The following GPAT4 variants were observed in gnomAD, a reference collection of about 807,000 sequenced individuals.
GPAT4 encodes the protein 1-AGP acyltransferase 6.
A neutral mutation model predicts 58.0 loss-of-function variants in GPAT4; 17 were observed. The observed-to-expected ratio is 0.29, with a 90% CI of 0.20 to 0.44. The LOEUF is 0.44. Among genes scored for constraint, GPAT4 ranks in the 20% least tolerant of loss-of-function variants. The pLI, the probability that GPAT4 is intolerant of heterozygous loss-of-function variation, is 1.00. For missense variants in GPAT4, 377 were observed against 574.5 expected (o/e 0.66, Z 3.51); for synonymous variants, 204 against 210.1 (o/e 0.97, Z 0.25).
In GPAT4 at chr8:41,621,236, C is replaced by G. The variant is rs1398848248; in HGVS notation, c.*235C>G. On this transcript the variant is annotated 3_prime_UTR_variant, in exon 13 of 13. Coordinates refer to ENST00000396987, the MANE Select transcript of GPAT4 (RefSeq NM_178819.4). The stretch of plus-strand genomic sequence containing the variant: ...GGGTGTTGCGACCCAGGACGAGATG[C>G]CTTGTTTCTTTTACAATAAGTCGTT... The G allele has an allele frequency of 5.3e-6, 3 of 566,134 alleles. No individual in the cohort carries two copies. Among genetic ancestry groups the G allele is most frequent in the Non-Finnish European group, 9.4e-6 (3 of 320,348 alleles). The allele number at this position is 566,134 out of a possible 1,614,324, so 35.1% of individuals were successfully genotyped here.
intron 4 of GPAT4, 43 bp downstream of exon 4, chr8:41,609,998 C>G (rs914481282): frequency 1.9e-6 from 3 of 1,557,600 alleles, no homozygotes; most frequent in Non-Finnish European, 2.6e-6. Flanking sequence ...GCTGCCACCC[C>G]ACGTGGTGCA....
chr8:41,616,914 T>C (rs1258186007), intron 10 of GPAT4, among the ~76,000 whole-genome samples: 1 of 152,170 alleles, frequency 6.6e-6, no homozygotes, highest in East Asian at 1.9e-4. Context: ...AATCCAGCCA[T>C]GACCTGATGT....
intron 10 of GPAT4, 160 bp from the exon 11 acceptor site, chr8:41,618,524 C>T (rs146825634): frequency 9.0e-6 from 8 of 886,376 alleles, no homozygotes; most frequent in Admixed American, 4.0e-5. Flanking sequence ...CAGTCAGAAC[C>T]GGCCACATGG....
intron 8 of GPAT4, 46 bp from the exon 9 acceptor site, chr8:41,614,340 G>A: frequency 6.7e-7 from 1 of 1,490,230 alleles, no homozygotes; most frequent in Non-Finnish European, 9.2e-7. Flanking sequence ...TTTTGACGAT[G>A]TGTATAAGGT....
At position 41,609,667 on chromosome 8, in the gene GPAT4, A is replaced by G; in HGVS notation, c.248A>G (p.Lys83Arg). Residue 83 changes from lysine (K) to arginine (R), a missense_variant, in exon 4 of 13, where the codon AAG (lysine) becomes AGG (arginine). Coordinates refer to ENST00000396987, the MANE Select transcript of GPAT4 (RefSeq NM_178819.4). ...CATTCTTTTGCAGGAATCATTGCAA[A>G]GGATCCCACTTCACTAGAAGAAGAG... ...YKPYTNGIIA[K>R]DPTSLEEEIK... The G allele has an allele frequency of 6.2e-7, 1 of 1,611,986 alleles. No homozygotes were observed.
intron 4 of GPAT4, chr8:41,610,516 G>A (rs2150501531): frequency 7.1e-7 from 1 of 1,406,736 alleles, no homozygotes; most frequent in South Asian, 1.4e-5. Context: ...GGAGATGCAG[G>A]CAGCTGAGAG....
At chr8:41,602,776 G>A (rs370195013) in intron 2 of GPAT4, among the ~76,000 whole-genome samples, 2 of 152,148 alleles carry the variant, frequency 1.3e-5, no homozygotes, top group South Asian at 2.1e-4. Context: ...TAAAAAACAC[G>A]TTTAGTTTTT....
At chr8:41,585,299 TGAG>T (rs1802622812) in intron 1 of GPAT4, among the ~76,000 whole-genome samples, 1 of 152,052 alleles carries the variant, frequency 6.6e-6, no homozygotes, top group Non-Finnish European at 1.5e-5. Context: ...CTAAAGCAAG[TGAG>T]GAGTCAGCCT....
chr8:41,581,580 G>A (rs1046642225), intron 1 of GPAT4, among the ~76,000 whole-genome samples: 2 of 151,576 alleles, frequency 1.3e-5, no homozygotes, highest in African/African-American at 4.8e-5. Context: ...GCCTCCCAAA[G>A]GGTCGGAATT....
intron 1 of GPAT4, among the ~76,000 whole-genome samples, chr8:41,594,797 G>T (rs1477089747): frequency 6.6e-6 from 1 of 151,930 alleles, no homozygotes; most frequent in East Asian, 1.9e-4. Context: ...TGCCCGCCTC[G>T]GCCTCCCAAA....
intron 2 of GPAT4, among the ~76,000 whole-genome samples, chr8:41,608,200 G>A (rs55708622): frequency 0.056 from 8,558 of 152,276 alleles, 320 homozygotes; most frequent in African/African-American, 0.093. Context: ...TCCAGATGAG[G>A]TCAGATCACT....
chr8:41,602,887 C>T (rs1289399920), intron 2 of GPAT4, among the ~76,000 whole-genome samples: 1 of 152,090 alleles, frequency 6.6e-6, no homozygotes, highest in African/African-American at 2.4e-5. Context: ...TCTCTGTGCC[C>T]TCCTGCGGCA....
At chr8:41,598,030 A>G (rs1366986324) in intron 1 of GPAT4, among the ~76,000 whole-genome samples, 1 of 152,202 alleles carries the variant, frequency 6.6e-6, no homozygotes, top group Non-Finnish European at 1.5e-5. Flanking sequence ...TCTTATATAC[A>G]TGTATTTTAT....
intron 9 of GPAT4, 52 bp from the exon 10 acceptor site, chr8:41,614,911 T>A (rs760057771): frequency 2.0e-6 from 3 of 1,471,606 alleles, no homozygotes; most frequent in Non-Finnish European, 2.8e-6. Context: ...ACGCCTAATA[T>A]CTGGGGTAAA....
At position 41,618,758 on chromosome 8, in the gene GPAT4, G is replaced by A. The variant is rs771864075; in HGVS notation, c.1128G>A (p.Met376Ile). Residue 376 changes from methionine to isoleucine, a missense_variant, in exon 11 of 13, where the codon ATG becomes ATA. Physicochemically the swap from Met to Ile is conservative, Grantham distance 10. Transcript: ENST00000396987. ...YGMVTYLLRM[M>I]TSWAIVCSVW... is the part of the protein sequence containing the mutation. ...TGGTGACGTACCTGCTGCGAATGAT[G>A]ACCAGCTGGGCCATTGTCTGCAGCG... 1.2e-6 allele frequency: 2 copies of A among 1,614,242 alleles called. No individual in the cohort carries two copies. The highest frequency in any genetic ancestry group is 1.7e-5 in the Admixed American group (1 of 60,028).
At chr8:41,581,626 T>C (rs561879294) in intron 1 of GPAT4, among the ~76,000 whole-genome samples, 3,781 of 105,566 alleles carry the variant, frequency 0.036, 72 homozygotes, top group Non-Finnish European at 0.055. Context: ...CTTTGTTGAC[T>C]TTTTTTTTTT....
In GPAT4 at chr8:41,598,892, T is replaced by G. The variant is rs902131341; in HGVS notation, c.-248T>G. ...TTACTGAAGACCCATCTAGCTTCAA[T>G]CATCTTTAGAGTCCATCCATTCTGG... is the stretch of plus-strand genomic sequence containing the variant. On this transcript the variant is annotated 5_prime_UTR_variant, in exon 2 of 13. Coordinates refer to ENST00000396987, the MANE Select transcript of GPAT4 (RefSeq NM_178819.4). 1.1e-5 allele frequency: 5 copies of G among 468,248 alleles called. No homozygotes were observed. Among genetic ancestry groups the G allele is most frequent in the East Asian group, 7.6e-5 (2 of 26,380 alleles). The allele number at this position is 468,248 out of a possible 1,614,324, so 29.0% of individuals were successfully genotyped here. A position where few individuals can be genotyped will look rare whatever the true frequency, so the allele number is the denominator to read the frequency against.
rs777623777 is a variant in GPAT4, at chr8:41,599,172, T to G, written c.33T>G (p.Ile11Met). The G allele has an allele frequency of 1.9e-6, 3 of 1,613,148 alleles. No homozygotes were observed. Among genetic ancestry groups the G allele is most frequent in the Middle Eastern group, 1.7e-4 (1 of 6,058 alleles). ...TGTTGCTGCCTTTTGATAGCCTGAT[T>G]GTCAACCTTCTGGGCATCTCCCTGA... is the stretch of plus-strand genomic sequence containing the variant. Reference protein sequence around the residue: MFLLLPFDSLIVNLLGISLTV... With the variant: MFLLLPFDSLMVNLLGISLTV... The change falls in exon 2 of 13, where the codon ATT becomes ATG. Residue 11 changes from isoleucine (I) to methionine (M), a missense_variant. Coordinates refer to ENST00000396987, the MANE Select transcript of GPAT4 (RefSeq NM_178819.4).
intron 10 of GPAT4, among the ~76,000 whole-genome samples, chr8:41,615,886 G>A (rs987927682): frequency 2.0e-5 from 3 of 152,222 alleles, no homozygotes; most frequent in African/African-American, 7.2e-5. Context: ...CCTTGCCAGT[G>A]CCACTGGAGA....
Sources: gnomAD v4.1 joint callset for allele counts (sites outside exome capture counted in the v4.1 genomes callset) on GRCh38, gnomAD v4.1.1 for gene constraint, MANE v1.5 for transcripts, NCBI Gene and HGNC (gene_info 2026-07-23, HGNC 2026-07-21) for gene names.